RSPO2: variants seen among roughly 807,000 people sequenced by gnomAD.
RSPO2 encodes R-spondin 2.
Under a neutral mutation model 30.9 loss-of-function variants are expected in RSPO2, and 14 were observed. That is an observed-to-expected ratio of 0.45 (90% confidence interval 0.30 to 0.71). The LOEUF (loss-of-function observed/expected upper bound fraction) is 0.71. Among genes scored for constraint, RSPO2 ranks in the 30% least tolerant of loss-of-function variants. The probability of loss-of-function intolerance (pLI) is 0.08; values close to 1 mark genes in which losing one functional copy is unlikely to be tolerated. For missense variants in RSPO2, 264 were observed against 301.9 expected (o/e 0.87, Z 0.93); for synonymous variants, 107 against 96.4 (o/e 1.11, Z -0.64).
At chr8:108,081,967 T>C in intron 2 of RSPO2, 1 of 983,710 alleles carries the variant, frequency 1.0e-6, no homozygotes, top group Non-Finnish European at 1.2e-6. Flanking sequence ...AGATCTATGT[T>C]GGCCTTTTTC....
chr8:107,969,061 T>C (rs910095892), intron 3 of RSPO2, among the ~76,000 whole-genome samples: 3 of 152,066 alleles, frequency 2.0e-5, no homozygotes, highest in African/African-American at 7.2e-5. Flanking sequence ...AACCAAGATC[T>C]AAAGGCAATT....
At chr8:108,033,528 C>A (rs1199573395) in intron 2 of RSPO2, among the ~76,000 whole-genome samples, 1 of 152,176 alleles carries the variant, frequency 6.6e-6, no homozygotes, top group Non-Finnish European at 1.5e-5. Context: ...TGTCCTCTCA[C>A]ATATTTTGAA....
At chr8:107,912,924 A>C (rs1811867518) in intron 5 of RSPO2, among the ~76,000 whole-genome samples, 1 of 152,136 alleles carries the variant, frequency 6.6e-6, no homozygotes, top group African/African-American at 2.4e-5. Context: ...GCTGAGCATA[A>C]CTCATTTCAT....
intron 2 of RSPO2, among the ~76,000 whole-genome samples, chr8:108,077,187 G>A (rs1813041788): frequency 6.6e-6 from 1 of 152,096 alleles, no homozygotes; most frequent in Non-Finnish European, 1.5e-5. Flanking sequence ...TTAAAGAAAA[G>A]AAAATCTTTT....
At chr8:108,037,449 G>T (rs1361613181) in intron 2 of RSPO2, among the ~76,000 whole-genome samples, 2 of 152,166 alleles carry the variant, frequency 1.3e-5, no homozygotes, top group Admixed American at 1.3e-4. Context: ...TGAGGTTTAA[G>T]GAAAGAAGTC....
At chr8:108,021,192 TTA>T (rs1228280712) in intron 2 of RSPO2, among the ~76,000 whole-genome samples, 2 of 152,300 alleles carry the variant, frequency 1.3e-5, no homozygotes, top group African/African-American at 4.8e-5. Context: ...TTGAACAATT[TTA>T]TGTTATATAA....
chr8:108,056,623 CA>C (rs56256415), intron 2 of RSPO2, among the ~76,000 whole-genome samples: 5,149 of 71,748 alleles, frequency 0.072, 154 homozygotes, highest in African/African-American at 0.27. Flanking sequence ...AGACCCGTCT[CA>C]AAAAAAAAAA....
At chr8:107,931,467 T>C (rs1812551277) in intron 5 of RSPO2, among the ~76,000 whole-genome samples, 1 of 152,118 alleles carries the variant, frequency 6.6e-6, no homozygotes, top group Non-Finnish European at 1.5e-5. Context: ...TTTGGACACT[T>C]AGTGCTCACG....
intron 2 of RSPO2, among the ~76,000 whole-genome samples, chr8:108,059,610 C>T (rs1287039586): frequency 6.8e-6 from 1 of 147,926 alleles, no homozygotes; most frequent in Non-Finnish European, 1.5e-5. Flanking sequence ...CCCAAATGTC[C>T]AACAATGATA....
intron 2 of RSPO2, among the ~76,000 whole-genome samples, chr8:108,025,163 C>A (rs552926250): frequency 6.6e-6 from 1 of 152,306 alleles, no homozygotes; most frequent in South Asian, 2.1e-4. Flanking sequence ...GCTCTGTTTG[C>A]TGAGAAGGCA....
intron 5 of RSPO2, among the ~76,000 whole-genome samples, chr8:107,940,022 A>C (rs1389308919): frequency 3.3e-5 from 5 of 152,110 alleles, no homozygotes; most frequent in Non-Finnish European, 7.4e-5. Context: ...AAAGTTATAG[A>C]CTGCAGCCAC....
intron 2 of RSPO2, chr8:107,996,880 T>G (rs186467685): frequency 2.2e-6 from 1 of 452,854 alleles, no homozygotes; most frequent in East Asian, 7.0e-5. Flanking sequence ...TCAACAGACT[T>G]AAACAATGAA....
intron 5 of RSPO2, among the ~76,000 whole-genome samples, chr8:107,948,326 G>C (rs1342894942): frequency 6.6e-6 from 1 of 152,184 alleles, no homozygotes; most frequent in African/African-American, 2.4e-5. Context: ...TTAAATCCCA[G>C]CTCCAACACT....
chr8:107,950,296 A>G (rs1393529426), intron 5 of RSPO2, among the ~76,000 whole-genome samples: 1 of 152,214 alleles, frequency 6.6e-6, no homozygotes, highest in African/African-American at 2.4e-5. Flanking sequence ...ATATTTTAAA[A>G]TCAAGCACTT....
intron 2 of RSPO2, among the ~76,000 whole-genome samples, chr8:108,016,403 A>C (rs2130599967): frequency 6.6e-6 from 1 of 152,326 alleles, no homozygotes; most frequent in African/African-American, 2.4e-5. Flanking sequence ...GCCAGACTAG[A>C]CTGCTGCAAG....
intron 3 of RSPO2, among the ~76,000 whole-genome samples, chr8:107,974,688 G>A (rs1044426390): frequency 6.6e-6 from 1 of 152,076 alleles, no homozygotes; most frequent in Non-Finnish European, 1.5e-5. Flanking sequence ...GTGGGAGGGA[G>A]AGAGACAGGG....
chr8:107,927,250 T>C (rs1812409246), intron 5 of RSPO2, among the ~76,000 whole-genome samples: 1 of 152,230 alleles, frequency 6.6e-6, no homozygotes, highest in South Asian at 2.1e-4. Flanking sequence ...TGATTTTGTA[T>C]CCTGAGACTT....
intron 5 of RSPO2, among the ~76,000 whole-genome samples, chr8:107,944,047 A>G (rs1260517104): frequency 1.3e-5 from 2 of 152,222 alleles, no homozygotes; most frequent in Non-Finnish European, 2.9e-5. Flanking sequence ...AGCACTCAGT[A>G]TTTTGCAAAA....
intron 5 of RSPO2, among the ~76,000 whole-genome samples, chr8:107,904,537 CT>C (rs1203280984): frequency 6.6e-6 from 1 of 151,990 alleles, no homozygotes; most frequent in Admixed American, 6.6e-5. Flanking sequence ...CAGGGCAGAT[CT>C]TTTCAGCACT....
Sources: gnomAD v4.1 joint callset for allele counts (sites outside exome capture counted in the v4.1 genomes callset) on GRCh38, gnomAD v4.1.1 for gene constraint, MANE v1.5 for transcripts, NCBI Gene and HGNC (gene_info 2026-07-23, HGNC 2026-07-21) for gene names.